Variants in LEPR observed in about 807,000 individuals in gnomAD.
LEPR encodes OB receptor.
LEPR carries 56 observed loss-of-function variants against 114.7 expected under a neutral mutation model. The ratio of observed to expected loss-of-function variants is 0.49; its 90% CI spans 0.39 to 0.61. LEPR has a LOEUF of 0.61. Among genes scored for constraint, LEPR ranks in the 20% least tolerant of loss-of-function variants. The pLI is 0.00. For missense variants in LEPR, 1,202 were observed against 1,352.9 expected (o/e 0.89, Z 1.75); for synonymous variants, 443 against 461.4 (o/e 0.96, Z 0.51).
Position 65,525,532 on chromosome 1 carries a change from C to A in LEPR, c.-20-40014C>A, listed in dbSNP as rs1649881412. ...GCGCGACCGCCCTAGCCGCTCGAGT[C>A]CGCTCCTCCCGCTCAGGGGCGGCTG... On this transcript the variant is annotated intron_variant, in intron 2 of 19. Coordinates refer to ENST00000349533, the MANE Select transcript of LEPR (RefSeq NM_002303.6). 16 of 728,870 alleles carry A rather than the reference C, an allele frequency of 2.2e-5. No individual in the cohort carries two copies. In the South Asian group the frequency reaches 9.8e-4, roughly 45 times the overall value. The allele number at this position is 728,870 out of a possible 1,614,324, so 45.2% of individuals were successfully genotyped here.
At chr1:65,461,782 C>T (rs112442994) in intron 2 of LEPR, among the ~76,000 whole-genome samples, 9 of 152,232 alleles carry the variant, frequency 5.9e-5, no homozygotes, top group African/African-American at 2.2e-4. Context: ...TGACAAACCC[C>T]ACCTCAGCCA....
chr1:65,450,377 T>A (rs921010248), intron 2 of LEPR, among the ~76,000 whole-genome samples: 3 of 149,520 alleles, frequency 2.0e-5, no homozygotes, highest in Non-Finnish European at 4.5e-5. Context: ...CTGCACCCAC[T>A]AACTCGTCAT....
intron 2 of LEPR, among the ~76,000 whole-genome samples, chr1:65,458,664 G>C (rs1315754615): frequency 6.6e-6 from 1 of 152,020 alleles, no homozygotes; most frequent in African/African-American, 2.4e-5. Flanking sequence ...ATATTCCTGG[G>C]TGTAGATATT....
chr1:65,491,278 G>A (rs1342463164), intron 2 of LEPR, among the ~76,000 whole-genome samples: 1 of 152,022 alleles, frequency 6.6e-6, no homozygotes, highest in Non-Finnish European at 1.5e-5. Context: ...TATGATAAAT[G>A]GCACAGGCAG....
At chr1:65,552,842 A>G (rs910365325) in intron 2 of LEPR, among the ~76,000 whole-genome samples, 2 of 152,190 alleles carry the variant, frequency 1.3e-5, no homozygotes, top group African/African-American at 4.8e-5. Context: ...ATGTTTTTAC[A>G]GTGGCTGGTA....
chr1:65,516,819 TG>T (rs1442496276), intron 2 of LEPR, among the ~76,000 whole-genome samples: 3 of 152,230 alleles, frequency 2.0e-5, no homozygotes, highest in African/African-American at 7.2e-5. Context: ...GCAGCTCTTT[TG>T]CTGTTAGATG....
chr1:65,627,507 C>A (rs1658289903), intron 19 of LEPR, among the ~76,000 whole-genome samples: 1 of 152,080 alleles, frequency 6.6e-6, no homozygotes, highest in Admixed American at 6.5e-5. Context: ...CATATACTGA[C>A]AGTGGGAATG....
At chr1:65,579,163 T>TA (rs1654805627) in intron 5 of LEPR, among the ~76,000 whole-genome samples, 1 of 152,172 alleles carries the variant, frequency 6.6e-6, no homozygotes, top group Admixed American at 6.5e-5. Flanking sequence ...TTCAGTCAGA[T>TA]ATTGGGCAAC....
At chr1:65,486,683 A>T (rs1647502464) in intron 2 of LEPR, among the ~76,000 whole-genome samples, 1 of 152,186 alleles carries the variant, frequency 6.6e-6, no homozygotes, top group African/African-American at 2.4e-5. Context: ...TGGGGAGATG[A>T]GCTGAAAGTT....
intron 2 of LEPR, among the ~76,000 whole-genome samples, chr1:65,555,097 A>G (rs1312731540): frequency 8.5e-5 from 13 of 152,092 alleles, no homozygotes; most frequent in Admixed American, 8.5e-4. Flanking sequence ...GGAAATGCAG[A>G]AATCACCTGC....
At chr1:65,438,149 A>G (rs1646591863) in intron 2 of LEPR, among the ~76,000 whole-genome samples, 1 of 132,372 alleles carries the variant, frequency 7.6e-6, no homozygotes, top group African/African-American at 2.9e-5. Flanking sequence ...AAATATTCCA[A>G]CTGAGGTTTG....
chr1:65,434,658 C>G, intron 2 of LEPR: 2 of 985,420 alleles, frequency 2.0e-6, no homozygotes, highest in Non-Finnish European at 2.4e-6. Context: ...CTTTCCACCC[C>G]TTTTCCTAAG....
rs1557620243 is a variant in LEPR at position 65,488,215 on chromosome 1, TCTCTCTC to T, written c.-21+62838_-21+62844del. 4.1e-3 allele frequency among the ~76,000 whole-genome samples: 217 copies of T among 52,892 alleles called. 5 individuals carry two copies. Among genetic ancestry groups the T allele is most frequent in the Admixed American group, 9.8e-3 (44 of 4,498 alleles). The allele number at this position is 52,892 out of a possible 152,430, so 34.7% of individuals were successfully genotyped here. A position where few individuals can be genotyped will look rare whatever the true frequency, so the allele number is the denominator to read the frequency against. The stretch of plus-strand genomic sequence containing the variant: ...TTCTTTCTTTCTTTCTTTCTTTCTC[TCTCTCTC>T]TCTCTCTTTCTTTCTTTCTTTCTTT... On this transcript the variant is annotated intron_variant, in intron 2 of 19. Coordinates refer to ENST00000349533, the MANE Select transcript of LEPR (RefSeq NM_002303.6).
rs2100804678 is a variant in LEPR, at chr1:65,570,597, G to C, written c.165G>C (p.Lys55Asn). 6.2e-7 allele frequency: 1 copy of C among 1,613,946 alleles called. No individual in the cohort carries two copies. Among genetic ancestry groups the C allele is most frequent in the Non-Finnish European group, 8.5e-7 (1 of 1,179,930 alleles). Residue 55 changes from lysine to asparagine, a missense_variant, in exon 4 of 20, where the codon AAG (lysine) becomes AAC (asparagine). Coordinates refer to ENST00000349533, the MANE Select transcript of LEPR (RefSeq NM_002303.6). Reference protein sequence around the residue: ...DYFLLPAGLSKNTSNSNGHYE... With the variant: ...DYFLLPAGLSNNTSNSNGHYE... ...TCCTTTTGCCTGCTGGACTCTCAAA[G>C]AATACTTCAAATTCGAATGGACATT...
intron 2 of LEPR, among the ~76,000 whole-genome samples, chr1:65,456,230 A>T (rs1478555134): frequency 4.0e-5 from 6 of 151,896 alleles, no homozygotes; most frequent in Non-Finnish European, 8.8e-5. Flanking sequence ...GAAATGCAGA[A>T]ATCACCCGTC....
chr1:65,633,495 C>T lies in LEPR; in HGVS notation c.2674-2696C>T. On this transcript the variant is annotated intron_variant, in intron 19 of 19. Transcript: ENST00000349533. This position sits in a 1 kb window ranked among gnomAD's most constrained non-coding sequence, Gnocchi z 4.1. ...AACATTAAGAAAATTATGGCTGTTG[C>T]TGTCATTACATATCTATTAAATGTC... The T allele has an allele frequency of 2.6e-6, 3 of 1,151,084 alleles. No individual in the cohort carries two copies. The highest frequency in any genetic ancestry group is 6.2e-5 in the South Asian group (2 of 32,424). 71.3% of individuals were successfully genotyped at this position (1,151,084 alleles called of 1,614,324 possible).
intron 2 of LEPR, among the ~76,000 whole-genome samples, chr1:65,464,371 A>T (rs1646983635): frequency 6.6e-6 from 1 of 152,214 alleles, no homozygotes. Context: ...CCCAGGGATG[A>T]AGCCAACTTG....
intron 14 of LEPR, among the ~76,000 whole-genome samples, chr1:65,614,096 A>G (rs1396701457): frequency 1.3e-5 from 2 of 152,182 alleles, no homozygotes; most frequent in African/African-American, 2.4e-5. Flanking sequence ...ATTGCATCCT[A>G]GGTATTTACT....
At chr1:65,511,274 C>G (rs550190394) in intron 2 of LEPR, among the ~76,000 whole-genome samples, 1 of 152,244 alleles carries the variant, frequency 6.6e-6, no homozygotes, top group East Asian at 1.9e-4. Context: ...TCTAGGACCA[C>G]CAACATCCAC....
Sources: gnomAD v4.1 joint callset for allele counts (sites outside exome capture counted in the v4.1 genomes callset) on GRCh38, gnomAD v4.1.1 for gene constraint, Gnocchi (gnomAD v3.1) non-coding constraint, MANE v1.5 for transcripts, NCBI Gene and HGNC (gene_info 2026-07-23, HGNC 2026-07-21) for gene names.